MGMT: variants seen among roughly 807,000 people sequenced by gnomAD.
MGMT encodes O-6-methylguanine-DNA methyltransferase, also known as methylated-DNA--protein-cysteine methyltransferase.
MGMT carries 14 observed loss-of-function variants against 15.9 expected under a neutral mutation model. The observed-to-expected ratio is 0.88, with a 90% CI of 0.58 to 1.37. The LOEUF is 1.37. Ranked by LOEUF, MGMT falls within the 40% of genes most tolerant of loss-of-function variation. MGMT has a pLI of 0.00. For synonymous variants in MGMT, 130 were observed against 118.2 expected (o/e 1.10, Z -0.65); for missense variants, 282 against 268.1 (o/e 1.05, Z -0.36).
chr10:129,517,633 G>C (rs76263738), intron 1 of MGMT, among the ~76,000 whole-genome samples: 1 of 152,188 alleles, frequency 6.6e-6, no homozygotes, highest in Non-Finnish European at 1.5e-5. Context: ...TGTCGCACAA[G>C]GCTTCTTGAG....
intron 2 of MGMT, among the ~76,000 whole-genome samples, chr10:129,610,884 C>G (rs1332037913): frequency 6.6e-6 from 1 of 152,180 alleles, no homozygotes; most frequent in Non-Finnish European, 1.5e-5. Context: ...TGCTGTATCC[C>G]TAGAGCCTAC....
intron 2 of MGMT, among the ~76,000 whole-genome samples, chr10:129,602,656 C>G (rs1846837895): frequency 6.6e-6 from 1 of 152,172 alleles, no homozygotes; most frequent in Non-Finnish European, 1.5e-5. Flanking sequence ...GGAGGCAAAT[C>G]TGAAAAGGAA....
chr10:129,737,863 C>T (rs539994459), intron 3 of MGMT, among the ~76,000 whole-genome samples: 2 of 152,296 alleles, frequency 1.3e-5, no homozygotes, highest in East Asian at 3.9e-4. Context: ...AGTTAGGCTG[C>T]TTGAGGGTCA....
At chr10:129,702,704 C>T (rs1294529850) in intron 2 of MGMT, among the ~76,000 whole-genome samples, 3 of 152,220 alleles carry the variant, frequency 2.0e-5, no homozygotes, top group African/African-American at 7.2e-5. Context: ...GCCCCCGGAG[C>T]TGCAGGATTT....
At chr10:129,589,039 T>C (rs1005466811) in intron 2 of MGMT, among the ~76,000 whole-genome samples, 2 of 152,198 alleles carry the variant, frequency 1.3e-5, no homozygotes, top group African/African-American at 4.8e-5. Flanking sequence ...ATTGCATTGC[T>C]CCAGGTCTGT....
chr10:129,590,443 C>A (rs941626456), intron 2 of MGMT, among the ~76,000 whole-genome samples: 2 of 152,120 alleles, frequency 1.3e-5, no homozygotes, highest in African/African-American at 4.8e-5. Flanking sequence ...AATAAAGAGA[C>A]TGGATACAAT....
chr10:129,497,024 G>A (rs1340111827), intron 1 of MGMT, among the ~76,000 whole-genome samples: 3 of 152,054 alleles, frequency 2.0e-5, no homozygotes, highest in African/African-American at 7.2e-5. Flanking sequence ...GCAAGGGAAG[G>A]CTATCGGGGT....
chr10:129,720,248 G>C (rs1176883898), intron 3 of MGMT, among the ~76,000 whole-genome samples: 1 of 152,180 alleles, frequency 6.6e-6, no homozygotes, highest in African/African-American at 2.4e-5. Flanking sequence ...TTAAGCTCTA[G>C]GCCACAATAA....
At position 129,768,173 on chromosome 10, in the gene MGMT, G is replaced by A. The variant is rs1407261961; in HGVS notation, c.*1176G>A. 2.0e-5 allele frequency among the ~76,000 whole-genome samples: 3 copies of A among 152,200 alleles called. No homozygotes were observed. The highest frequency in any genetic ancestry group is 3.9e-4 in the East Asian group (2 of 5,190). On this transcript the variant is annotated 3_prime_UTR_variant, in exon 5 of 5. Coordinates refer to ENST00000651593, the MANE Select transcript of MGMT (RefSeq NM_002412.5). ...GGCCTGGATGAAAATGTGGCCTCACGATGTGTATGGTTGGGACCCGCCTTC... is the reference window on the plus strand; with the variant it reads ...GGCCTGGATGAAAATGTGGCCTCACAATGTGTATGGTTGGGACCCGCCTTC...
At chr10:129,680,332 G>A (rs554854793) in intron 2 of MGMT, among the ~76,000 whole-genome samples, 10 of 152,264 alleles carry the variant, frequency 6.6e-5, no homozygotes, top group Admixed American at 3.9e-4. Context: ...TGGGGATCCC[G>A]TGCTAGATTG....
intron 1 of MGMT, among the ~76,000 whole-genome samples, chr10:129,519,951 G>A (rs1023725213): frequency 6.6e-6 from 1 of 152,042 alleles, no homozygotes; most frequent in Admixed American, 6.6e-5. Flanking sequence ...GGAGGATTGC[G>A]TGAAGCCAGA....
intron 4 of MGMT, among the ~76,000 whole-genome samples, chr10:129,761,746 C>G (rs973235112): frequency 6.6e-6 from 1 of 152,170 alleles, no homozygotes; most frequent in African/African-American, 2.4e-5. Flanking sequence ...CTACAGGCAC[C>G]AAGTCTCGCC....
At chr10:129,468,065 A>G (rs1266357314) in intron 1 of MGMT, among the ~76,000 whole-genome samples, 1 of 107,092 alleles carries the variant, frequency 9.3e-6, no homozygotes, top group African/African-American at 4.8e-5. Context: ...GGCTTGGTCC[A>G]GAGAGCTGTT....
rs576436112 is a variant in MGMT, at chr10:129,497,216, G to T, written c.-13+29920G>T. ...GTACCACTCCCCCGTCTCTGCACCA[G>T]CATGTTTCAGAGGCAGGCAAGCAGC... On this transcript the variant is annotated intron_variant, in intron 1 of 4. Transcript: ENST00000651593. Among the ~76,000 whole-genome samples, 5 of 152,306 alleles carry T rather than the reference G, an allele frequency of 3.3e-5. No individual in the cohort carries two copies. In the South Asian group the frequency reaches 1.0e-3, roughly 32 times the overall value.
At chr10:129,612,951 ATTGT>A (rs1435669777) in intron 2 of MGMT, among the ~76,000 whole-genome samples, 2 of 152,182 alleles carry the variant, frequency 1.3e-5, no homozygotes, top group East Asian at 3.9e-4. Context: ...ATCCTGTAAC[ATTGT>A]TTGGTCCTTG....
At chr10:129,481,516 CTCT>C (rs1188100891) in intron 1 of MGMT, among the ~76,000 whole-genome samples, 2 of 152,170 alleles carry the variant, frequency 1.3e-5, no homozygotes, top group African/African-American at 4.8e-5. Context: ...TTAGCATTGT[CTCT>C]TCTTTAAATG....
chr10:129,674,181 A>C (rs943210458), intron 2 of MGMT, among the ~76,000 whole-genome samples: 1 of 152,210 alleles, frequency 6.6e-6, no homozygotes, highest in African/African-American at 2.4e-5. Flanking sequence ...AAAGTCATAC[A>C]ATTAGAAACC....
At chr10:129,487,096 C>G (rs773620456) in intron 1 of MGMT, among the ~76,000 whole-genome samples, 2 of 152,120 alleles carry the variant, frequency 1.3e-5, no homozygotes, top group Non-Finnish European at 2.9e-5. Flanking sequence ...GCACTAGCCT[C>G]CTGCTTGTTG....
At chr10:129,728,397 G>A (rs11592158) in intron 3 of MGMT, among the ~76,000 whole-genome samples, 29,273 of 152,090 alleles carry the variant, frequency 0.19, 3,084 homozygotes, top group Middle Eastern at 0.35. Flanking sequence ...CTGATGTGGT[G>A]TGACCAGAGG....
Sources: gnomAD v4.1 joint callset for allele counts (sites outside exome capture counted in the v4.1 genomes callset) on GRCh38, gnomAD v4.1.1 for gene constraint, MANE v1.5 for transcripts, NCBI Gene and HGNC (gene_info 2026-07-23, HGNC 2026-07-21) for gene names.